SH3PXD2A: variants seen among roughly 807,000 people sequenced by gnomAD.
SH3PXD2A encodes SH3 and PX domain-containing protein 2A.
A neutral mutation model predicts 115.2 loss-of-function variants in SH3PXD2A; 32 were observed. That is an observed-to-expected ratio of 0.28 (90% CI 0.21 to 0.37). The LOEUF (loss-of-function observed/expected upper bound fraction) is 0.37, where lower values mean the gene tolerates loss of function less well. Among genes scored for constraint, SH3PXD2A ranks in the 10% least tolerant of loss-of-function variants. SH3PXD2A has a pLI of 1.00. For missense variants in SH3PXD2A, 1,328 were observed against 1,498.7 expected, an observed-to-expected ratio of 0.89 and a Z score of 1.88; for synonymous variants, 610 against 629.1, an observed-to-expected ratio of 0.97 and a Z score of 0.45.
At chr10:103,692,193 C>G (rs2037760680) in intron 6 of SH3PXD2A, among the ~76,000 whole-genome samples, 1 of 152,222 alleles carries the variant, frequency 6.6e-6, no homozygotes, top group Non-Finnish European at 1.5e-5. Context: ...TCCTAGGGAC[C>G]ACTCTCCCCC....
intron 5 of SH3PXD2A, among the ~76,000 whole-genome samples, chr10:103,704,232 A>C (rs1262563730): frequency 6.6e-6 from 1 of 152,188 alleles, no homozygotes; most frequent in African/African-American, 2.4e-5. Flanking sequence ...AAAGGAGGGC[A>C]CTGAGAGAAG....
chr10:103,603,577 G>A lies in SH3PXD2A; in HGVS notation c.1641C>T (p.Ser547=), dbSNP rs745712051. The A allele has an allele frequency of 9.9e-6, 16 of 1,610,574 alleles. No individual in the cohort carries two copies. In the South Asian group the frequency reaches 1.8e-4, roughly 18 times the overall value. ...GCTCCTCATACTTGAGCTTCCGCGG[G>A]GAGTCCTGGCTCTCACTGGCCCCCG... ...GPTGASESQD[S]PRKLKYEEPE... Residue 547 remains serine (S), a synonymous_variant, in exon 15 of 15, where the codon TCC becomes TCT. Coordinates refer to ENST00000369774, the MANE Select transcript of SH3PXD2A (RefSeq NM_001394015.1).
intron 1 of SH3PXD2A, among the ~76,000 whole-genome samples, chr10:103,814,704 C>G (rs1307606162): frequency 6.6e-6 from 1 of 152,112 alleles, no homozygotes; most frequent in Admixed American, 6.6e-5. Flanking sequence ...TTCTTTTAAC[C>G]AAAAGAAGCT....
chr10:103,727,681 C>T (rs2038257690), intron 4 of SH3PXD2A, among the ~76,000 whole-genome samples: 1 of 152,212 alleles, frequency 6.6e-6, no homozygotes, highest in Non-Finnish European at 1.5e-5. Flanking sequence ...GCTCTTCATG[C>T]CGACAGAGAC....
intron 2 of SH3PXD2A, among the ~76,000 whole-genome samples, chr10:103,787,195 C>A (rs2038988728): frequency 6.6e-6 from 1 of 152,198 alleles, no homozygotes; most frequent in Non-Finnish European, 1.5e-5. Flanking sequence ...CGCAGGTGAA[C>A]CCAGATCACA....
chr10:103,810,194 G>A (rs1412797851), intron 1 of SH3PXD2A, among the ~76,000 whole-genome samples: 2 of 152,174 alleles, frequency 1.3e-5, no homozygotes, highest in African/African-American at 4.8e-5. Context: ...GCATGCTAGT[G>A]CCCAGCACCA....
chr10:103,722,920 C>T (rs1010338328), intron 5 of SH3PXD2A, among the ~76,000 whole-genome samples: 54 of 152,196 alleles, frequency 3.5e-4, no homozygotes, highest in African/African-American at 1.2e-3. Flanking sequence ...AGGTGGGCCT[C>T]GGAGCTGCTT....
intron 8 of SH3PXD2A, among the ~76,000 whole-genome samples, chr10:103,628,126 G>T (rs1817264828): frequency 6.6e-6 from 1 of 152,212 alleles, no homozygotes; most frequent in Non-Finnish European, 1.5e-5. Flanking sequence ...GTGCCTCCAG[G>T]TGGGCTCAGC....
At chr10:103,664,708 C>T (rs559736930) in intron 7 of SH3PXD2A, among the ~76,000 whole-genome samples, 97 of 151,366 alleles carry the variant, frequency 6.4e-4, no homozygotes, top group African/African-American at 2.3e-3. Flanking sequence ...GCTCTGTCGC[C>T]CAGGTTGGAG....
At chr10:103,725,050 C>T (rs1470377063) in intron 4 of SH3PXD2A, among the ~76,000 whole-genome samples, 1 of 152,174 alleles carries the variant, frequency 6.6e-6, no homozygotes, top group Non-Finnish European at 1.5e-5. Context: ...CCAAGGACAA[C>T]AAAGCACTAT....
chr10:103,606,835 C>T (rs1215528163), intron 13 of SH3PXD2A, among the ~76,000 whole-genome samples: 14 of 152,350 alleles, frequency 9.2e-5, no homozygotes, highest in African/African-American at 1.9e-4. Context: ...GGCGTGATCT[C>T]GGCTCCCTAC....
chr10:103,854,346 G>T (rs914803483), intron 1 of SH3PXD2A, among the ~76,000 whole-genome samples: 90 of 152,164 alleles, frequency 5.9e-4, no homozygotes, highest in Non-Finnish European at 8.7e-4. Flanking sequence ...CGCTCAGAGG[G>T]GTCAAGGACA....
At chr10:103,790,818 G>A (rs1377728430) in intron 2 of SH3PXD2A, among the ~76,000 whole-genome samples, 1 of 152,156 alleles carries the variant, frequency 6.6e-6, no homozygotes, top group African/African-American at 2.4e-5. Context: ...GGCATGAGTG[G>A]GAGATAGCAA....
At position 103,622,330 on chromosome 10, in the gene SH3PXD2A, A is replaced by G. The variant is rs2036619031; in HGVS notation, c.802+140T>C. ...AGGCCCACCCCACACCAGCTGCAGT[A>G]GGTGAGAAGAAAGCCTGGCCCGTGA... On this transcript the variant is annotated intron_variant, in intron 10 of 14. Coordinates refer to ENST00000369774, the MANE Select transcript of SH3PXD2A (RefSeq NM_001394015.1). 1.1e-5 allele frequency: 7 copies of G among 633,640 alleles called. No individual in the cohort carries two copies. In the South Asian group the frequency reaches 1.2e-4, roughly 10 times the overall value. 39.3% of individuals were successfully genotyped at this position (633,640 alleles called of 1,614,324 possible).
At chr10:103,807,976 A>G (rs1483817336) in intron 1 of SH3PXD2A, among the ~76,000 whole-genome samples, 1 of 152,202 alleles carries the variant, frequency 6.6e-6, no homozygotes, top group Non-Finnish European at 1.5e-5. Context: ...CAGCCCGTCT[A>G]AGGTACTAAT....
intron 2 of SH3PXD2A, among the ~76,000 whole-genome samples, chr10:103,795,920 AAGGAAGGAAGGC>A (rs776830803): frequency 0.017 from 1,947 of 114,710 alleles, 34 homozygotes; most frequent in Middle Eastern, 0.035. Context: ...GGAAGGAAGG[AAGGAAGGAAGGC>A]AGGAAGGAAG....
chr10:103,779,033 A>T (rs1420137505), intron 2 of SH3PXD2A, among the ~76,000 whole-genome samples: 1 of 152,206 alleles, frequency 6.6e-6, no homozygotes, highest in East Asian at 1.9e-4. Flanking sequence ...GTGTCTCCCC[A>T]GGAGTCACAG....
intron 1 of SH3PXD2A, among the ~76,000 whole-genome samples, chr10:103,848,203 C>T (rs1490063893): frequency 2.8e-5 from 1 of 35,312 alleles, no homozygotes; most frequent in Non-Finnish European, 1.3e-4. Flanking sequence ...CTTCCTGCTG[C>T]TCCCTCTCCT....
At chr10:103,700,647 A>C (rs927877066) in intron 5 of SH3PXD2A, among the ~76,000 whole-genome samples, 16 of 152,158 alleles carry the variant, frequency 1.1e-4, no homozygotes, top group African/African-American at 3.6e-4. Context: ...TGGCAGGAAT[A>C]CACAGTTGAT....
Sources: gnomAD v4.1 joint callset for allele counts (sites outside exome capture counted in the v4.1 genomes callset) on GRCh38, gnomAD v4.1.1 for gene constraint, MANE v1.5 for transcripts, NCBI Gene and HGNC (gene_info 2026-07-23, HGNC 2026-07-21) for gene names.